Variants in PRKG1 observed in about 807,000 individuals in gnomAD.
PRKG1 encodes cGMP-dependent protein kinase 1.
PRKG1 carries 35 observed loss-of-function variants against 88.1 expected under a neutral mutation model. That is an observed-to-expected ratio of 0.40 (90% CI 0.30 to 0.53). The LOEUF (loss-of-function observed/expected upper bound fraction) is 0.53, where lower values mean the gene tolerates loss of function less well. PRKG1 is among the 20% of genes least tolerant of loss of function. The pLI, the probability that PRKG1 is intolerant of heterozygous loss-of-function variation, is 0.59. For missense variants in PRKG1, 540 were observed against 839.8 expected (o/e 0.64, Z 4.41); for synonymous variants, 303 against 292.5 (o/e 1.04, Z -0.37).
chr10:52,019,318 C>T lies in PRKG1; in HGVS notation c.763-35166C>T, dbSNP rs115452229. On this transcript the variant is annotated intron_variant, in intron 5 of 17. Transcript: ENST00000373980. Reference sequence around the variant, plus strand: ...ACATCCAAACTATAGCAGGATCCTACCCTCTTACAGAGACTAGGAGATGGT... The same window carrying T: ...ACATCCAAACTATAGCAGGATCCTATCCTCTTACAGAGACTAGGAGATGGT... Among the ~76,000 whole-genome samples, 621 of 152,256 alleles carry T rather than the reference C, an allele frequency of 4.1e-3. 3 individuals are homozygous for T. Among genetic ancestry groups the T allele is most frequent in the African/African-American group, 0.014 (567 of 41,560 alleles).
intron 2 of PRKG1, among the ~76,000 whole-genome samples, chr10:51,308,897 G>A (rs1448506660): frequency 6.6e-6 from 1 of 152,082 alleles, no homozygotes; most frequent in African/African-American, 2.4e-5. Flanking sequence ...TTTGAGGAGG[G>A]GGCACCACCA....
At chr10:51,825,203 T>C (rs1353785785) in intron 4 of PRKG1, among the ~76,000 whole-genome samples, 1 of 152,156 alleles carries the variant, frequency 6.6e-6, no homozygotes, top group Non-Finnish European at 1.5e-5. Context: ...AGTATACATG[T>C]ACATTTTCTG....
chr10:51,800,212 C>T (rs1276648812), intron 3 of PRKG1, among the ~76,000 whole-genome samples: 1 of 151,958 alleles, frequency 6.6e-6, no homozygotes, highest in Non-Finnish European at 1.5e-5. Context: ...TTTTCTCCCT[C>T]ATGTTCAAGA....
intron 2 of PRKG1, among the ~76,000 whole-genome samples, chr10:51,381,916 G>A (rs1588899075): frequency 1.3e-5 from 2 of 152,168 alleles, no homozygotes; most frequent in Non-Finnish European, 1.5e-5. Flanking sequence ...TGGGATTGCC[G>A]TAAAGTACCT....
At chr10:51,730,926 C>T (rs532374843) in intron 3 of PRKG1, among the ~76,000 whole-genome samples, 3 of 152,206 alleles carry the variant, frequency 2.0e-5, no homozygotes, top group East Asian at 1.9e-4. Flanking sequence ...GAGGCCGAGG[C>T]GGGTGGATCA....
At chr10:51,712,870 A>T (rs181844970) in intron 3 of PRKG1, among the ~76,000 whole-genome samples, 1 of 151,982 alleles carries the variant, frequency 6.6e-6, no homozygotes, top group East Asian at 1.9e-4. Context: ...CTCACATAAG[A>T]CAGCCATGTG....
chr10:51,033,170 T>A lies in PRKG1; in HGVS notation c.266+41526T>A, dbSNP rs561971756. On this transcript the variant is annotated intron_variant, in intron 1 of 17. Transcript: ENST00000401604. ...CTGATTATTAAGCCTCAGTCTCCTA[T>A]GTCCAGTTACTCATAGGACATCTTC... 7.2e-5 allele frequency among the ~76,000 whole-genome samples: 11 copies of A among 152,296 alleles called. No individual in the cohort carries two copies. The South Asian group carries it at 2.3e-3, about 32-fold the overall frequency.
At chr10:51,294,162 T>C (rs981996247) in intron 2 of PRKG1, among the ~76,000 whole-genome samples, 2 of 152,164 alleles carry the variant, frequency 1.3e-5, no homozygotes, top group African/African-American at 4.8e-5. Flanking sequence ...TCTCCCATTA[T>C]AGGTTGACTT....
At chr10:51,171,406 G>A (rs990996040) in intron 2 of PRKG1, among the ~76,000 whole-genome samples, 15 of 152,112 alleles carry the variant, frequency 9.9e-5, no homozygotes, top group African/African-American at 3.4e-4. Context: ...GGAGGAGGCT[G>A]GTGGAGCAGC....
intron 5 of PRKG1, among the ~76,000 whole-genome samples, chr10:51,913,359 C>T (rs1277267133): frequency 6.6e-6 from 1 of 152,158 alleles, no homozygotes; most frequent in Non-Finnish European, 1.5e-5. Flanking sequence ...AGTTTTTCAA[C>T]CCCCACGCCC....
At chr10:51,153,378 A>G in intron 2 of PRKG1, 48 bp downstream of exon 2, 2 of 1,525,096 alleles carry the variant, frequency 1.3e-6, no homozygotes, top group Non-Finnish European at 8.9e-7. Context: ...TTCTTTTTTC[A>G]TCTTATCAGC....
At chr10:51,427,794 T>C (rs1838633077) in intron 2 of PRKG1, among the ~76,000 whole-genome samples, 1 of 152,228 alleles carries the variant, frequency 6.6e-6, no homozygotes, top group South Asian at 2.1e-4. Context: ...AATATTCACA[T>C]TAAATTTTGA....
At chr10:52,018,751 T>C (rs1232978740) in intron 5 of PRKG1, among the ~76,000 whole-genome samples, 1 of 152,108 alleles carries the variant, frequency 6.6e-6, no homozygotes, top group Non-Finnish European at 1.5e-5. Context: ...ACCTCTACAA[T>C]AGGGAAGATA....
At chr10:51,988,849 A>C (rs1844230010) in intron 5 of PRKG1, among the ~76,000 whole-genome samples, 1 of 152,020 alleles carries the variant, frequency 6.6e-6, no homozygotes, top group Admixed American at 6.6e-5. Flanking sequence ...TTTCTATAGA[A>C]GTTTTTAAAA....
intron 5 of PRKG1, among the ~76,000 whole-genome samples, chr10:51,930,319 G>T (rs1054493790): frequency 6.6e-6 from 1 of 151,908 alleles, no homozygotes; most frequent in Non-Finnish European, 1.5e-5. Flanking sequence ...TGATGGCAAT[G>T]GTTGCATAAC....
chr10:51,760,474 T>C (rs982865878), intron 3 of PRKG1, among the ~76,000 whole-genome samples: 1 of 116,778 alleles, frequency 8.6e-6, no homozygotes, highest in Non-Finnish European at 2.0e-5. Context: ...GACTTTTCGT[T>C]TTTTTTTTTT....
chr10:52,214,228 G>T (rs1010539509), intron 9 of PRKG1, among the ~76,000 whole-genome samples: 1 of 152,148 alleles, frequency 6.6e-6, no homozygotes, highest in Non-Finnish European at 1.5e-5. Context: ...CAGTAGCATA[G>T]AGGAAGTAAG....
rs565233902 is a variant in PRKG1 at position 51,093,891 on chromosome 10, T to C, written c.311+18990T>C. ...CTCTGAACAAGTCACTTTTATCCCA[T>C]ACATTCTTTATTGCATTATCTTACC... On this transcript the variant is annotated intron_variant, in intron 1 of 17. Transcript: ENST00000373980. Among the ~76,000 whole-genome samples, 32 of 150,864 alleles carry C rather than the reference T, an allele frequency of 2.1e-4. No homozygotes were observed. The South Asian group carries it at 6.3e-3, about 29-fold the overall frequency.
At chr10:51,552,732 G>T (rs1213220384) in intron 3 of PRKG1, among the ~76,000 whole-genome samples, 1 of 151,502 alleles carries the variant, frequency 6.6e-6, no homozygotes, top group East Asian at 1.9e-4. Context: ...TGTAATCCAG[G>T]CTGTTGTGAA....
Sources: gnomAD v4.1 joint callset for allele counts (sites outside exome capture counted in the v4.1 genomes callset) on GRCh38, gnomAD v4.1.1 for gene constraint, MANE v1.5 for transcripts, NCBI Gene and HGNC (gene_info 2026-07-23, HGNC 2026-07-21) for gene names.